The following MBD3L1 variants were observed in gnomAD, a reference collection of about 807,000 sequenced individuals.
MBD3L1 encodes the protein methyl-CpG-binding domain protein 3-like 1.
For missense variants in MBD3L1, 203 were observed against 230.1 expected (o/e 0.88, Z 0.76); for synonymous variants, 84 against 85.1 (o/e 0.99, Z 0.07).
At chr19:8,836,651 C>T (rs2044459178) in intron 1 of MBD3L1, among the ~76,000 whole-genome samples, 1 of 152,038 alleles carries the variant, frequency 6.6e-6, no homozygotes, top group South Asian at 2.1e-4. Flanking sequence ...ACCACCACGC[C>T]CAGCTAGTTT....
At chr19:8,839,439 A>G (rs576707564) in intron 1 of MBD3L1, among the ~76,000 whole-genome samples, 1 of 152,028 alleles carries the variant, frequency 6.6e-6, no homozygotes, top group Non-Finnish European at 1.5e-5. Flanking sequence ...TGACCTCATG[A>G]TCTGCCCGCC....
chr19:8,840,416 C>A (rs2044500319), intron 1 of MBD3L1, among the ~76,000 whole-genome samples: 1 of 152,174 alleles, frequency 6.6e-6, no homozygotes, highest in Non-Finnish European at 1.5e-5. Context: ...ATCCTCTTCA[C>A]TCGGCCTCCC....
intron 1 of MBD3L1, among the ~76,000 whole-genome samples, chr19:8,838,202 C>T (rs918881626): frequency 4.4e-5 from 6 of 136,446 alleles, no homozygotes; most frequent in East Asian, 2.2e-4. Context: ...GAGCCGAGAT[C>T]GCATCACTGC....
intron 1 of MBD3L1, among the ~76,000 whole-genome samples, chr19:8,834,613 AAAAC>A (rs1215286110): frequency 1.2e-3 from 184 of 151,560 alleles, no homozygotes; most frequent in African/African-American, 3.9e-3. Context: ...TCAAAAAAAA[AAAAC>A]AAACCAAAAC....
chr19:8,839,544 A>G (rs2044490024), intron 1 of MBD3L1, among the ~76,000 whole-genome samples: 1 of 152,116 alleles, frequency 6.6e-6, no homozygotes, highest in Non-Finnish European at 1.5e-5. Context: ...TAAGATTCAC[A>G]TGTCCAGGTT....
At position 8,836,341 on chromosome 19, in the gene MBD3L1, C is replaced by A. The variant is rs112690897; in HGVS notation, c.-107+3819C>A. Among the ~76,000 whole-genome samples, 1,320 of 151,990 alleles carry A rather than the reference C, an allele frequency of 8.7e-3. 14 individuals carry two copies. Among genetic ancestry groups the A allele is most frequent in the African/African-American group, 0.029 (1,213 of 41,454 alleles). The stretch of plus-strand genomic sequence containing the variant: ...CTACAAAAATGTGAGTTCTTCTCTT[C>A]TTCCTCTTCCTCCTCCTCCTTTCTT... On this transcript the variant is annotated intron_variant, in intron 1 of 2. Coordinates refer to ENST00000595891, the MANE Select transcript of MBD3L1 (RefSeq NM_001393532.1).
intron 2 of MBD3L1, 77 bp from the exon 3 acceptor site, chr19:8,842,581 G>C: frequency 1.9e-6 from 2 of 1,073,994 alleles, no homozygotes; most frequent in Non-Finnish European, 2.7e-6. Flanking sequence ...TGAAAGTCCA[G>C]AACAGCTGAG....
intron 1 of MBD3L1, among the ~76,000 whole-genome samples, chr19:8,832,834 A>G (rs1288711159): frequency 2.0e-5 from 3 of 149,768 alleles, no homozygotes; most frequent in Admixed American, 1.3e-4. Context: ...TGGTTGTGAC[A>G]GCCCTGGAGG....
chr19:8,832,792 T>C (rs1007871010), intron 1 of MBD3L1, among the ~76,000 whole-genome samples: 5 of 150,474 alleles, frequency 3.3e-5, no homozygotes, highest in Non-Finnish European at 5.9e-5. Context: ...AGACCTCCAT[T>C]TCCGGGGCGG....
intron 1 of MBD3L1, among the ~76,000 whole-genome samples, chr19:8,838,168 A>T (rs1252569743): frequency 6.7e-6 from 1 of 148,504 alleles, no homozygotes; most frequent in African/African-American, 2.5e-5. Context: ...GAATCGCTTG[A>T]ACCCAGGAGG....
At chr19:8,842,291 C>T (rs1364305889) in intron 2 of MBD3L1, among the ~76,000 whole-genome samples, 3 of 142,646 alleles carry the variant, frequency 2.1e-5, no homozygotes, top group Non-Finnish European at 3.0e-5. Context: ...TGCACCACTG[C>T]ACTCCAGCCT....
Position 8,843,304 on chromosome 19 carries a change from C to CA in MBD3L1, c.*41_*42insA. 5 of 1,388,938 alleles carry CA rather than the reference C, an allele frequency of 3.6e-6. No homozygotes were observed. The highest frequency in any genetic ancestry group is 3.8e-6 in the Non-Finnish European group (4 of 1,039,488). The allele number at this position is 1,388,938 out of a possible 1,614,324, so 86.0% of individuals were successfully genotyped here. A position where few individuals can be genotyped will look rare whatever the true frequency, so the allele number is the denominator to read the frequency against. ...TAGTGCAGATGAAATAAAGTGTAATCCTTTATTAACATCTCTTTGCAGTGT... is the reference window on the plus strand; with the variant it reads ...TAGTGCAGATGAAATAAAGTGTAATCACTTTATTAACATCTCTTTGCAGTGT... On this transcript the variant is annotated 3_prime_UTR_variant, in exon 3 of 3. Coordinates refer to ENST00000595891, the MANE Select transcript of MBD3L1 (RefSeq NM_001393532.1).
chr19:8,839,501 T>C (rs929759205), intron 1 of MBD3L1, among the ~76,000 whole-genome samples: 7 of 152,052 alleles, frequency 4.6e-5, no homozygotes, highest in Non-Finnish European at 1.0e-4. Context: ...TGCCTGGCCA[T>C]ATTTAGATTT....
Position 8,842,929 on chromosome 19 carries a change from C to T in MBD3L1, c.251C>T (p.Ser84Leu), listed in dbSNP as rs769049129. ...GCTTACAGCAGTGCAGGAGAACTTT[C>T]AAGCACTTTGGATCTTGCCAATACC... Reference protein sequence around the residue: ...LQAYSSAGELSSTLDLANTLQ... With the variant: ...LQAYSSAGELLSTLDLANTLQ... Residue 84 changes from serine to leucine, a missense_variant, in exon 3 of 3, where the codon TCA becomes TTA. By Grantham distance (145) the Ser-to-Leu change is moderately radical (BLOSUM62 -2). Transcript: ENST00000595891. 3.7e-5 allele frequency: 59 copies of T among 1,614,142 alleles called. No homozygotes were observed. Among genetic ancestry groups the T allele is most frequent in the Middle Eastern group, 3.3e-4 (2 of 6,084 alleles).
At chr19:8,840,655 A>G (rs1258244104) in intron 1 of MBD3L1, among the ~76,000 whole-genome samples, 2 of 152,180 alleles carry the variant, frequency 1.3e-5, no homozygotes, top group Non-Finnish European at 2.9e-5. Flanking sequence ...TTCAATGCTT[A>G]TCAGGGATAT....
intron 1 of MBD3L1, chr19:8,833,457 C>T (rs1268140163): frequency 6.6e-6 from 1 of 152,106 alleles, no homozygotes; most frequent in Non-Finnish European, 1.5e-5. Flanking sequence ...TCTATCTTTC[C>T]AGATATAGTG....
chr19:8,841,443 C>A (rs749668042), intron 2 of MBD3L1, among the ~76,000 whole-genome samples: 3 of 152,194 alleles, frequency 2.0e-5, no homozygotes, highest in Non-Finnish European at 4.4e-5. Flanking sequence ...ATACCCAAAT[C>A]ACAGATACTT....
intron 2 of MBD3L1, among the ~76,000 whole-genome samples, chr19:8,841,781 T>C (rs1429305871): frequency 6.6e-6 from 1 of 152,096 alleles, no homozygotes; most frequent in African/African-American, 2.4e-5. Context: ...GGTCTTGAAC[T>C]CCTGACCTCA....
Position 8,842,692 on chromosome 19 carries a change from C to A in MBD3L1, c.14C>A (p.Ser5Ter). 6.2e-7 allele frequency: 1 copy of A among 1,613,572 alleles called. No homozygotes were observed. Among genetic ancestry groups the A allele is most frequent in the South Asian group, 1.1e-5 (1 of 90,992 alleles). Residue 5 changes from serine (S) to a stop codon, truncating the protein, a stop_gained, in exon 3 of 3, where the codon TCA (serine) becomes TAA (stop). Coordinates refer to ENST00000595891, the MANE Select transcript of MBD3L1 (RefSeq NM_001393532.1). LOFTEE classifies it low-confidence loss of function (END_TRUNC). The stretch of plus-strand genomic sequence containing the variant: ...AAAAGAAGTGTGATGGCCAAGAGTT[C>A]ACAGAGGAAGCAACGTGACTGTGTA... MAKS[S>*]QRKQRDCVNQ...
Sources: gnomAD v4.1 joint callset for allele counts (sites outside exome capture counted in the v4.1 genomes callset) on GRCh38, gnomAD v4.1.1 for gene constraint, MANE v1.5 for transcripts, NCBI Gene and HGNC (gene_info 2026-07-23, HGNC 2026-07-21) for gene names.